PDE10A: variants seen among roughly 807,000 people sequenced by gnomAD.
PDE10A encodes cAMP and cAMP-inhibited cGMP 3',5'-cyclic phosphodiesterase 10A.
In PDE10A, 39 loss-of-function variants were observed where a neutral mutation model predicts 97.7. The ratio of observed to expected loss-of-function variants is 0.40; its 90% confidence interval spans 0.31 to 0.52. PDE10A has a LOEUF of 0.52. Among genes scored for constraint, PDE10A ranks in the 20% least tolerant of loss-of-function variants. The pLI, the probability that PDE10A is intolerant of heterozygous loss-of-function variation, is 0.56. For missense variants in PDE10A, 731 were observed against 1,047.8 expected (o/e 0.70, Z 4.17); for synonymous variants, 371 against 376.8 (o/e 0.98, Z 0.18).
In PDE10A at chr6:165,418,410, C is replaced by T. The variant is rs1050209129; in HGVS notation, c.1796+225G>A. Among the ~76,000 whole-genome samples the T allele has an allele frequency of 5.3e-5, 8 of 152,142 alleles. No individual in the cohort carries two copies. ...TTCCAAAAGGACCGCCTCCGGAAGACGGCATTTCCAGGAGTGACGCTAAGG... is the reference window on the plus strand; with the variant it reads ...TTCCAAAAGGACCGCCTCCGGAAGATGGCATTTCCAGGAGTGACGCTAAGG... On this transcript the variant is annotated intron_variant, in intron 11 of 21. Transcript: ENST00000539869. This position sits in a 1 kb window ranked among gnomAD's most constrained non-coding sequence, Gnocchi z 4.8.
chr6:165,327,812 C>G lies in PDE10A; in HGVS notation c.*5213G>C, dbSNP rs1338197090. 1.3e-5 allele frequency: 2 copies of G among 152,192 alleles called. No homozygotes were observed. The highest frequency in any genetic ancestry group is 1.3e-4 in the Admixed American group (2 of 15,286). 9.4% of individuals were successfully genotyped at this position (152,192 alleles called of 1,614,324 possible). A position where few individuals can be genotyped will look rare whatever the true frequency, so the allele number is the denominator to read the frequency against. Reference sequence around the variant, plus strand: ...TTCCAATAGAGAGCCTATTAAAATTCTGGACACAGGTTCATTGACTCTACA... The same window carrying G: ...TTCCAATAGAGAGCCTATTAAAATTGTGGACACAGGTTCATTGACTCTACA... On this transcript the variant is annotated 3_prime_UTR_variant, in exon 22 of 22. Transcript: ENST00000539869.
chr6:165,927,716 CA>C (rs1782987482), intron 1 of PDE10A, among the ~76,000 whole-genome samples: 1 of 124,098 alleles, frequency 8.1e-6, no homozygotes, highest in East Asian at 2.3e-4. Context: ...GTGTTTGAGA[CA>C]GAGGAGTCTC....
At chr6:165,348,211 T>A (rs1451852543) in intron 18 of PDE10A, among the ~76,000 whole-genome samples, 2 of 152,216 alleles carry the variant, frequency 1.3e-5, no homozygotes, top group Non-Finnish European at 2.9e-5. Flanking sequence ...ATTATGAAAT[T>A]AGTTTATCTT....
At chr6:165,747,585 G>GT (rs199635400) in intron 1 of PDE10A, among the ~76,000 whole-genome samples, 16,017 of 147,608 alleles carry the variant, frequency 0.11, 1,018 homozygotes, top group African/African-American at 0.19. Flanking sequence ...AAATGATCAA[G>GT]TTTTTTTTTT....
chr6:165,949,170 T>C (rs1783873543), intron 1 of PDE10A: 2 of 152,228 alleles, frequency 1.3e-5, no homozygotes, highest in African/African-American at 4.8e-5. Flanking sequence ...ATAGGCTCCA[T>C]GGCAAGATGA....
chr6:165,644,374 T>G (rs1245061224), intron 1 of PDE10A, among the ~76,000 whole-genome samples: 1 of 152,212 alleles, frequency 6.6e-6, no homozygotes, highest in African/African-American at 2.4e-5. Context: ...AAAGTTCATT[T>G]TTAAGAGTCT....
Position 165,701,977 on chromosome 6 carries a change from C to T in PDE10A, c.-614-158409G>A, listed in dbSNP as rs116387912. Among the ~76,000 whole-genome samples, 1,402 of 152,214 alleles carry T rather than the reference C, an allele frequency of 9.2e-3. 22 individuals are homozygous for T. The highest frequency in any genetic ancestry group is 0.032 in the African/African-American group (1,344 of 41,526). On this transcript the variant is annotated intron_variant, in intron 1 of 19. Transcript: ENST00000366882. ...GGAGATGATGGGTTGAGGAACAACA[C>T]GCAGTCTGGTCCTGGGCCCTGGAAC...
chr6:165,548,276 CTTTTTTTT>C (rs57134252), intron 1 of PDE10A, among the ~76,000 whole-genome samples: 23 of 105,624 alleles, frequency 2.2e-4, no homozygotes, highest in East Asian at 1.5e-3. Context: ...CTTTAAATCT[CTTTTTTTT>C]TTTTTTTTTT....
rs149245063 is a variant in PDE10A, at chr6:165,694,828, G to A, written c.-614-151260C>T. On this transcript the variant is annotated intron_variant, in intron 1 of 19. Transcript: ENST00000366882. ...TTAGAACAAAATCAGGCTCCCAAACGAAACAGAAACAAAAAACAAAAGCAA... is the reference window on the plus strand; with the variant it reads ...TTAGAACAAAATCAGGCTCCCAAACAAAACAGAAACAAAAAACAAAAGCAA... 9.2e-3 allele frequency among the ~76,000 whole-genome samples: 1,383 copies of A among 150,202 alleles called. 71 individuals carry two copies. The highest frequency in any genetic ancestry group is 0.085 in the Admixed American group (1,289 of 15,172).
chr6:165,479,307 A>C (rs183602298), intron 3 of PDE10A, among the ~76,000 whole-genome samples: 1 of 152,200 alleles, frequency 6.6e-6, no homozygotes, highest in Non-Finnish European at 1.5e-5. Context: ...GTATACTCTC[A>C]ATTCGACAGC....
chr6:165,647,675 A>G (rs1250897550), intron 1 of PDE10A, among the ~76,000 whole-genome samples: 1 of 152,186 alleles, frequency 6.6e-6, no homozygotes, highest in Non-Finnish European at 1.5e-5. Flanking sequence ...ACTTCCTGCA[A>G]CTACAAAGAA....
At chr6:165,708,801 C>CTG in intron 1 of PDE10A, among the ~76,000 whole-genome samples, 1 of 113,726 alleles carries the variant, frequency 8.8e-6, no homozygotes, top group East Asian at 3.0e-4. Context: ...CTGCCGCGCT[C>CTG]TCCCCACACT....
chr6:165,837,078 C>A (rs955202064), intron 1 of PDE10A, among the ~76,000 whole-genome samples: 1 of 149,384 alleles, frequency 6.7e-6, no homozygotes, highest in Admixed American at 6.6e-5. Context: ...AGGGATAGCA[C>A]TGGGAGATAT....
In PDE10A at chr6:165,343,447, G is replaced by C. The variant is rs760588043; in HGVS notation, c.2839C>G (p.Leu947Val). ...GCCGTCAATTTTGTAACGGGCCACA[G>C]TTTTGTCACAGAACAAAGGTCACAG... Reference protein sequence around the residue: ...TACDLCSVTKLWPVTKLTAND... With the variant: ...TACDLCSVTKVWPVTKLTAND... The change falls in exon 19 of 22, where the codon CTG becomes GTG. Residue 947 changes from leucine to valine, a missense_variant. Leu to Val is a conservative substitution (Grantham distance 32). Coordinates refer to ENST00000539869, the MANE Select transcript of PDE10A (RefSeq NM_001385079.1). 6.2e-7 allele frequency: 1 copy of C among 1,614,018 alleles called. No homozygotes were observed. Among genetic ancestry groups the C allele is most frequent in the South Asian group, 1.1e-5 (1 of 91,084 alleles).
At chr6:165,428,794 C>T (rs1375149630) in intron 9 of PDE10A, 85 bp from the exon 10 acceptor site, 5 of 559,702 alleles carry the variant, frequency 8.9e-6, no homozygotes, top group Admixed American at 4.0e-5. Flanking sequence ...CTGGTTTTGT[C>T]TACATTTAAA....
intron 1 of PDE10A, among the ~76,000 whole-genome samples, chr6:165,793,712 G>A (rs1315665120): frequency 6.6e-6 from 1 of 152,192 alleles, no homozygotes. Flanking sequence ...GTGGCACTTA[G>A]ATAAACACAC....
chr6:165,890,968 A>G (rs2128482262), intron 1 of PDE10A, among the ~76,000 whole-genome samples: 1 of 152,328 alleles, frequency 6.6e-6, no homozygotes, highest in Non-Finnish European at 1.5e-5. Context: ...AAATTCCACA[A>G]GATAACAAAT....
intron 1 of PDE10A, chr6:165,939,505 T>G (rs1783441946): frequency 6.6e-6 from 1 of 152,254 alleles, no homozygotes; most frequent in South Asian, 2.1e-4. Flanking sequence ...TTCCATAGTT[T>G]ACTTTTATTT....
chr6:165,797,138 G>T (rs1048013392), intron 1 of PDE10A, among the ~76,000 whole-genome samples: 3 of 152,206 alleles, frequency 2.0e-5, no homozygotes, highest in African/African-American at 7.2e-5. Flanking sequence ...TTCAGGCGAT[G>T]GAGTTCAGAT....
Sources: gnomAD v4.1 joint callset for allele counts (sites outside exome capture counted in the v4.1 genomes callset) on GRCh38, gnomAD v4.1.1 for gene constraint, Gnocchi (gnomAD v3.1) non-coding constraint, MANE v1.5 for transcripts, NCBI Gene and HGNC (gene_info 2026-07-23, HGNC 2026-07-21) for gene names.